LAMTOR3: variants seen among roughly 807,000 people sequenced by gnomAD.
LAMTOR3 encodes the protein late endosomal/lysosomal adaptor, MAPK and MTOR activator 3.
Under a neutral mutation model 20.3 loss-of-function variants are expected in LAMTOR3, and 14 were observed. The observed-to-expected ratio is 0.69, with a 90% CI of 0.46 to 1.08. The LOEUF is 1.08. LAMTOR3 is among the 50% of genes least tolerant of loss of function. The probability of loss-of-function intolerance (pLI) is 0.00; values close to 1 mark genes in which losing one functional copy is unlikely to be tolerated. For missense variants in LAMTOR3, 125 were observed against 143.7 expected (o/e 0.87, Z 0.67); for synonymous variants, 40 against 49.4 (o/e 0.81, Z 0.80).
Position 99,893,942 on chromosome 4 carries a change from G to C in LAMTOR3, c.9+13C>G. ...CCACTCTCCCCTTCCTCTTATGTAG[G>C]GGTGTCACTCACATCCGCCATGATG... On this transcript the variant is annotated intron_variant, in intron 2 of 6. Transcript: ENST00000499666. 6.5e-7 allele frequency: 1 copy of C among 1,531,132 alleles called. No individual in the cohort carries two copies. Among genetic ancestry groups the C allele is most frequent in the Non-Finnish European group, 8.8e-7 (1 of 1,133,138 alleles). The allele number at this position is 1,531,132 out of a possible 1,614,324, so 94.8% of individuals were successfully genotyped here. A position where few individuals can be genotyped will look rare whatever the true frequency, so the allele number is the denominator to read the frequency against.
chr4:99,889,429 G>A (rs1264368333), intron 3 of LAMTOR3, among the ~76,000 whole-genome samples: 1 of 152,130 alleles, frequency 6.6e-6, no homozygotes, highest in Non-Finnish European at 1.5e-5. Context: ...ATACTCTGCA[G>A]CCATGAGAAA....
At chr4:99,884,040 T>C (rs781302786) in intron 6 of LAMTOR3, 22 bp downstream of exon 6, 1 of 1,487,478 alleles carries the variant, frequency 6.7e-7, no homozygotes, top group South Asian at 1.2e-5. Context: ...ATTAAAGTGA[T>C]ATTTAAGGTC....
rs1724803027 is a variant in LAMTOR3 at position 99,880,424 on chromosome 4, C to T, written c.*1570G>A. ...CCTGGCCAACATGGTGAATTCCTGT[C>T]TCTACTAAAAATACACAAATTTGCC... On this transcript the variant is annotated 3_prime_UTR_variant, in exon 7 of 7. Transcript: ENST00000499666. The T allele has an allele frequency of 6.6e-6, 1 of 151,672 alleles. No homozygotes were observed. The highest frequency in any genetic ancestry group is 2.4e-5 in the African/African-American group (1 of 41,308). 9.4% of individuals were successfully genotyped at this position (151,672 alleles called of 1,614,324 possible).
chr4:99,887,443 T>C, intron 3 of LAMTOR3, 89 bp from the exon 4 acceptor site: 1 of 534,442 alleles, frequency 1.9e-6, no homozygotes, highest in Non-Finnish European at 3.0e-6. Context: ...TTTCTCAAAC[T>C]ATGCACCTCA....
chr4:99,883,944 G>A, intron 6 of LAMTOR3, 118 bp downstream of exon 6: 1 of 684,636 alleles, frequency 1.5e-6, no homozygotes, highest in Non-Finnish European at 2.5e-6. Context: ...GTGAAACTGG[G>A]CCACAAGTTC....
intron 1 of LAMTOR3, 54 bp downstream of exon 1, chr4:99,894,281 C>T (rs897870799): frequency 2.6e-5 from 8 of 312,118 alleles, no homozygotes; most frequent in Admixed American, 1.0e-4. Context: ...AATCTCACCA[C>T]CCGCGCCACC....
intron 2 of LAMTOR3, among the ~76,000 whole-genome samples, chr4:99,892,502 G>A (rs1056571621): frequency 1.3e-5 from 2 of 152,114 alleles, no homozygotes; most frequent in Admixed American, 6.5e-5. Flanking sequence ...ACCTCTGTAA[G>A]ACTGTTGTCT....
chr4:99,883,591 C>T (rs1331628073), intron 6 of LAMTOR3, among the ~76,000 whole-genome samples: 1 of 151,964 alleles, frequency 6.6e-6, no homozygotes, highest in East Asian at 1.9e-4. Context: ...TATTCATGCT[C>T]TTTAAATTCT....
At chr4:99,889,690 G>A (rs189460071) in intron 3 of LAMTOR3, among the ~76,000 whole-genome samples, 1 of 152,282 alleles carries the variant, frequency 6.6e-6, no homozygotes, top group African/African-American at 2.4e-5. Flanking sequence ...GGAAGGATGG[G>A]CAGCTTCTCA....
At chr4:99,892,390 C>T (rs766970074) in intron 2 of LAMTOR3, among the ~76,000 whole-genome samples, 1 of 152,146 alleles carries the variant, frequency 6.6e-6, no homozygotes, top group African/African-American at 2.4e-5. Flanking sequence ...GTTTTACATC[C>T]TGTTGCTATT....
At chr4:99,892,095 C>A in intron 2 of LAMTOR3, 61 bp from the exon 3 acceptor site, 3 of 1,491,910 alleles carry the variant, frequency 2.0e-6, no homozygotes, top group Non-Finnish European at 2.7e-6. Flanking sequence ...TTTCTAGATC[C>A]TGTCCTATCC....
chr4:99,883,218 G>T (rs1330879651), intron 6 of LAMTOR3, among the ~76,000 whole-genome samples: 1 of 151,950 alleles, frequency 6.6e-6, no homozygotes, highest in South Asian at 2.1e-4. Flanking sequence ...TGAAATGGAA[G>T]AGATCTAATA....
chr4:99,885,128 C>T (rs968094477), intron 5 of LAMTOR3, among the ~76,000 whole-genome samples: 1 of 152,058 alleles, frequency 6.6e-6, no homozygotes, highest in Non-Finnish European at 1.5e-5. Flanking sequence ...TCATTTATTA[C>T]ATATATATAT....
chr4:99,883,951 GT>G, intron 6 of LAMTOR3, 110 bp downstream of exon 6: 1 of 730,708 alleles, frequency 1.4e-6, no homozygotes, highest in Non-Finnish European at 2.3e-6. Flanking sequence ...TGGGCCACAA[GT>G]TCAAGATTTT....
rs2110179145 is a variant in LAMTOR3 at position 99,882,877 on chromosome 4, A to G, written c.302-810T>C. On this transcript the variant is annotated intron_variant, in intron 6 of 6. Transcript: ENST00000499666. The stretch of plus-strand genomic sequence containing the variant: ...GGGAGATAAACATCTAGAAATAAGC[A>G]TATCTTGCTTCTCCTTAGTTTACTA... Among the ~76,000 whole-genome samples the G allele has an allele frequency of 1.3e-5, 2 of 152,198 alleles. 1 individual carries two copies. The highest frequency in any genetic ancestry group is 4.8e-5 in the African/African-American group (2 of 41,580).
At chr4:99,890,095 T>C (rs558430371) in intron 3 of LAMTOR3, among the ~76,000 whole-genome samples, 1 of 152,322 alleles carries the variant, frequency 6.6e-6, no homozygotes, top group South Asian at 2.1e-4. Context: ...ACTACACTTT[T>C]AGAAGAAATG....
intron 6 of LAMTOR3, among the ~76,000 whole-genome samples, chr4:99,882,912 G>C (rs1219930402): frequency 1.3e-5 from 2 of 151,940 alleles, no homozygotes; most frequent in East Asian, 1.9e-4. Flanking sequence ...AGAGTGAAAG[G>C]CTATCTGCCT....
At chr4:99,884,772 C>G (rs905100879) in intron 5 of LAMTOR3, among the ~76,000 whole-genome samples, 3 of 152,056 alleles carry the variant, frequency 2.0e-5, no homozygotes, top group Non-Finnish European at 4.4e-5. Flanking sequence ...CAAGACCAGC[C>G]TGGCCAACAT....
chr4:99,889,642 G>A (rs548866796), intron 3 of LAMTOR3, among the ~76,000 whole-genome samples: 14 of 152,264 alleles, frequency 9.2e-5, no homozygotes, highest in Admixed American at 5.2e-4. Flanking sequence ...GTAATGGTGG[G>A]TGCCTCTTTG....
Sources: allele counts gnomAD v4.1 joint callset (sites outside exome capture counted in the v4.1 genomes callset), GRCh38; gene constraint gnomAD v4.1.1; transcripts MANE v1.5; gene names NCBI Gene and HGNC (gene_info 2026-07-23, HGNC 2026-07-21).